SEM1: variants seen among roughly 807,000 people sequenced by gnomAD.
The protein encoded by SEM1 is SEM1 26S proteasome subunit.
SEM1 carries 3 observed loss-of-function variants against 12.7 expected under a neutral mutation model. That is an observed-to-expected ratio of 0.24 (90% CI 0.11 to 0.61). The LOEUF (loss-of-function observed/expected upper bound fraction) is 0.61, where lower values mean the gene tolerates loss of function less well. SEM1 is among the 20% of genes least tolerant of loss of function. The pLI, the probability that SEM1 is intolerant of heterozygous loss-of-function variation, is 0.88. For synonymous variants in SEM1, 30 were observed against 27.8 expected, an observed-to-expected ratio of 1.08 and a Z score of -0.25; for missense variants, 59 against 81.3, an observed-to-expected ratio of 0.73 and a Z score of 1.06.
chr7:96,639,622 C>A (rs1403641190), intron 2 of SEM1, among the ~76,000 whole-genome samples: 1 of 151,744 alleles, frequency 6.6e-6, no homozygotes, highest in Non-Finnish European at 1.5e-5. Flanking sequence ...AGTATAAGTC[C>A]CCTAGAAATA....
intron 2 of SEM1, among the ~76,000 whole-genome samples, chr7:96,608,854 G>A (rs1213598654): frequency 1.3e-5 from 2 of 152,022 alleles, no homozygotes; most frequent in Non-Finnish European, 2.9e-5. Context: ...CTACTTTTTA[G>A]CTATTGTGAA....
intron 2 of SEM1, among the ~76,000 whole-genome samples, chr7:96,586,540 C>T (rs987711569): frequency 3.3e-5 from 5 of 152,192 alleles, no homozygotes; most frequent in Non-Finnish European, 5.9e-5. Context: ...TAAGATCATA[C>T]TTACATTTGA....
At chr7:96,624,190 A>G (rs78293320) in intron 2 of SEM1, among the ~76,000 whole-genome samples, 1,839 of 152,330 alleles carry the variant, frequency 0.012, 44 homozygotes, top group African/African-American at 0.041. Context: ...GGGATGACAT[A>G]TAAGAAGATC....
exon 3 of SEM1, chr7:96,673,747 G>A: frequency 1.3e-6 from 1 of 765,190 alleles, no homozygotes. Flanking sequence ...AACACATACA[G>A]GTTGATGATC....
At chr7:96,637,178 G>A (rs1808454218) in intron 2 of SEM1, 1 of 152,016 alleles carries the variant, frequency 6.6e-6, no homozygotes, top group Non-Finnish European at 1.5e-5. Context: ...AGGAAGCCAT[G>A]AAGTTGCCAG....
intron 2 of SEM1, among the ~76,000 whole-genome samples, chr7:96,535,715 G>A (rs547863069): frequency 6.6e-6 from 1 of 151,910 alleles, no homozygotes; most frequent in South Asian, 2.1e-4. Flanking sequence ...GTGGTATTCG[G>A]TTTTCTGTTC....
chr7:96,659,802 G>C (rs1788926059), intron 2 of SEM1, among the ~76,000 whole-genome samples: 1 of 145,878 alleles, frequency 6.9e-6, no homozygotes, highest in Non-Finnish European at 1.5e-5. Context: ...CTAATAGAGG[G>C]AAAAATGGAA....
intron 2 of SEM1, among the ~76,000 whole-genome samples, chr7:96,677,769 G>A (rs1032789238): frequency 2.0e-5 from 3 of 151,920 alleles, no homozygotes; most frequent in African/African-American, 4.8e-5. Flanking sequence ...AGAGGGTGGG[G>A]AAGGGGAGTA....
At chr7:96,674,782 G>C (rs975339095) in intron 2 of SEM1, among the ~76,000 whole-genome samples, 5 of 152,134 alleles carry the variant, frequency 3.3e-5, no homozygotes, top group African/African-American at 1.2e-4. Flanking sequence ...CCTGTGCTGG[G>C]CCAGAAATTT....
intron 2 of SEM1, among the ~76,000 whole-genome samples, chr7:96,570,776 C>T (rs1279570246): frequency 1.3e-5 from 2 of 152,184 alleles, no homozygotes; most frequent in Non-Finnish European, 2.9e-5. Flanking sequence ...GGAATCGCTA[C>T]ACTGTCTTCC....
exon 4 of SEM1, chr7:96,482,384 T>C (rs936137010): frequency 2.6e-5 from 4 of 152,194 alleles, no homozygotes; most frequent in Admixed American, 6.6e-5. Flanking sequence ...AAAATATCTC[T>C]TGCCCAGATC....
chr7:96,694,828 T>C lies in SEM1; in HGVS notation c.140A>G (p.Asn47Ser), dbSNP rs773345574. The change falls in exon 2 of 3, where the codon AAT (asparagine) becomes AGT (serine). Residue 47 changes from asparagine to serine, a missense_variant. Coordinates refer to ENST00000248566, the MANE Select transcript of SEM1 (RefSeq NM_006304.2). Reference sequence around the variant, plus strand: ...CTGATTAGAGAAGTCATCCTCTACATTGTCATCATCCCAATTATCCTCCCA... The same window carrying C: ...CTGATTAGAGAAGTCATCCTCTACACTGTCATCATCCCAATTATCCTCCCA... Reference protein sequence around the residue: ...HVWEDNWDDDNVEDDFSNQLR... With the variant: ...HVWEDNWDDDSVEDDFSNQLR... 4 of 1,611,248 alleles carry C rather than the reference T, an allele frequency of 2.5e-6. No individual in the cohort carries two copies. Among genetic ancestry groups the C allele is most frequent in the Non-Finnish European group, 3.4e-6 (4 of 1,177,820 alleles).
At chr7:96,707,215 G>T (rs989876109) in intron 1 of SEM1, among the ~76,000 whole-genome samples, 1 of 152,190 alleles carries the variant, frequency 6.6e-6, no homozygotes, top group Non-Finnish European at 1.5e-5. Flanking sequence ...ATCACATTTT[G>T]AATAGTAACA....
chr7:96,658,648 A>G (rs1375291936), intron 2 of SEM1, among the ~76,000 whole-genome samples: 1 of 152,156 alleles, frequency 6.6e-6, no homozygotes, highest in East Asian at 1.9e-4. Flanking sequence ...GTGCACAACT[A>G]TTGTTGAAGA....
At chr7:96,590,168 AT>A (rs1806783837) in intron 2 of SEM1, among the ~76,000 whole-genome samples, 1 of 152,234 alleles carries the variant, frequency 6.6e-6, no homozygotes, top group Non-Finnish European at 1.5e-5. Flanking sequence ...ACACATAAAT[AT>A]AAATCAGTTT....
downstream of SEM1, among the ~76,000 whole-genome samples, chr7:96,668,760 C>T (rs1210640622): frequency 6.6e-6 from 1 of 151,582 alleles, no homozygotes; most frequent in Admixed American, 6.6e-5. Flanking sequence ...CAAAAAAAGA[C>T]ATGTTGAAAT....
At chr7:96,542,984 G>T (rs79040620) in intron 2 of SEM1, among the ~76,000 whole-genome samples, 3,324 of 152,008 alleles carry the variant, frequency 0.022, 104 homozygotes, top group African/African-American at 0.075. Flanking sequence ...ATGTTGGGAT[G>T]TTATATAGCT....
chr7:96,499,769 T>C (rs1468521895), upstream of SEM1, among the ~76,000 whole-genome samples: 3 of 152,286 alleles, frequency 2.0e-5, no homozygotes, highest in East Asian at 5.8e-4. Context: ...CAGTCACTTG[T>C]AGGCTAGATG....
intron 3 of SEM1, among the ~76,000 whole-genome samples, chr7:96,506,350 T>C (rs1188509701): frequency 6.6e-6 from 1 of 152,134 alleles, no homozygotes; most frequent in Non-Finnish European, 1.5e-5. Flanking sequence ...AATAAATTAA[T>C]TGGTAAGAAT....
Sources: gnomAD v4.1 joint callset for allele counts (sites outside exome capture counted in the v4.1 genomes callset) on GRCh38, gnomAD v4.1.1 for gene constraint, MANE v1.5 for transcripts, NCBI Gene and HGNC (gene_info 2026-07-23, HGNC 2026-07-21) for gene names.